The following NRG3 variants were observed in gnomAD, a reference collection of about 807,000 sequenced individuals.
NRG3 encodes the protein neuregulin 3.
NRG3 carries 31 observed loss-of-function variants against 66.9 expected under a neutral mutation model. The observed-to-expected ratio is 0.46, with a 90% CI of 0.35 to 0.63. The LOEUF is 0.63. Among genes scored for constraint, NRG3 ranks in the 20% least tolerant of loss-of-function variants. The pLI, the probability that NRG3 is intolerant of heterozygous loss-of-function variation, is 0.00. For missense variants in NRG3, 910 were observed against 878.9 expected (o/e 1.04, Z -0.45); for synonymous variants, 393 against 359.4 (o/e 1.09, Z -1.06).
At chr10:82,817,883 G>A (rs981052156) in intron 3 of NRG3, among the ~76,000 whole-genome samples, 12 of 152,228 alleles carry the variant, frequency 7.9e-5, no homozygotes, top group African/African-American at 2.9e-4. Flanking sequence ...GAAAGACAGA[G>A]CTGTGTTACT....
intron 1 of NRG3, among the ~76,000 whole-genome samples, chr10:82,254,801 A>G (rs2077639323): frequency 6.6e-6 from 1 of 152,242 alleles, no homozygotes; most frequent in African/African-American, 2.4e-5. Flanking sequence ...GTTTTGTATT[A>G]TAACTGAAAG....
intron 3 of NRG3, among the ~76,000 whole-genome samples, chr10:82,753,551 T>G (rs1267841356): frequency 1.3e-5 from 2 of 152,056 alleles, no homozygotes; most frequent in Admixed American, 6.6e-5. Flanking sequence ...TTCTTTCCTC[T>G]CTTCATTTCT....
chr10:82,346,326 G>A (rs1302374982), intron 1 of NRG3, among the ~76,000 whole-genome samples: 4 of 148,706 alleles, frequency 2.7e-5, no homozygotes, highest in African/African-American at 1.0e-4. Flanking sequence ...AGATAATCAT[G>A]TGGTTTTTGT....
At chr10:82,794,374 T>G (rs760510550) in intron 3 of NRG3, among the ~76,000 whole-genome samples, 2 of 152,154 alleles carry the variant, frequency 1.3e-5, no homozygotes, top group Non-Finnish European at 2.9e-5. Flanking sequence ...AAGGTTTTGG[T>G]GTTAATTGAT....
At chr10:82,960,880 G>T (rs998925355) in intron 6 of NRG3, among the ~76,000 whole-genome samples, 2 of 151,610 alleles carry the variant, frequency 1.3e-5, no homozygotes, top group African/African-American at 4.9e-5. Flanking sequence ...TTATAAAACG[G>T]CCCCACCCCT....
At chr10:82,630,196 G>A (rs992929067) in intron 2 of NRG3, among the ~76,000 whole-genome samples, 2 of 151,944 alleles carry the variant, frequency 1.3e-5, no homozygotes, top group Non-Finnish European at 2.9e-5. Flanking sequence ...AAATGAATTC[G>A]GAATAAGAAG....
intron 2 of NRG3, among the ~76,000 whole-genome samples, chr10:82,363,440 G>A (rs2084313064): frequency 6.7e-6 from 1 of 148,540 alleles, no homozygotes; most frequent in South Asian, 2.1e-4. Context: ...GCCTTATACT[G>A]TTTTTTGTTT....
intron 2 of NRG3, among the ~76,000 whole-genome samples, chr10:82,612,248 T>C (rs1482566818): frequency 2.0e-5 from 3 of 152,240 alleles, no homozygotes; most frequent in Non-Finnish European, 4.4e-5. Context: ...TCTTTTGCTC[T>C]GCAGAAGCAA....
In NRG3 at chr10:82,506,929, T is replaced by G. The variant is rs144321891; in HGVS notation, c.953+148061T>G. 3.5e-4 allele frequency among the ~76,000 whole-genome samples: 54 copies of G among 152,284 alleles called. 2 individuals are homozygous for G. The East Asian group carries it at 4.3e-3, about 12-fold the overall frequency. On this transcript the variant is annotated intron_variant, in intron 2 of 8. Coordinates refer to ENST00000372141, the MANE Select transcript of NRG3 (RefSeq NM_001010848.4). ...GGTTTTCACACAGCATCTCAGGTGGTTCTGTCTCCTGACCAATTTCACTGC... is the reference window on the plus strand; with the variant it reads ...GGTTTTCACACAGCATCTCAGGTGGGTCTGTCTCCTGACCAATTTCACTGC...
intron 1 of NRG3, among the ~76,000 whole-genome samples, chr10:82,052,571 T>A (rs1183524627): frequency 6.6e-6 from 1 of 152,150 alleles, no homozygotes; most frequent in African/African-American, 2.4e-5. Flanking sequence ...TATTCTATAT[T>A]TGTTCCCTGA....
At chr10:82,979,200 G>A in intron 8 of NRG3, 80 bp downstream of exon 8, 2 of 1,406,988 alleles carry the variant, frequency 1.4e-6, no homozygotes, top group Non-Finnish European at 2.0e-6. Context: ...AGTTCCTTGG[G>A]GTTTTATTCA....
At chr10:82,660,066 G>A (rs1299681972) in intron 2 of NRG3, among the ~76,000 whole-genome samples, 1 of 151,358 alleles carries the variant, frequency 6.6e-6, no homozygotes, top group Non-Finnish European at 1.5e-5. Flanking sequence ...CATGGTGGTG[G>A]TTGCCTGTAA....
At chr10:82,299,827 C>T (rs1169997090) in intron 1 of NRG3, among the ~76,000 whole-genome samples, 1 of 151,962 alleles carries the variant, frequency 6.6e-6, no homozygotes, top group Non-Finnish European at 1.5e-5. Flanking sequence ...TTCCCCAATT[C>T]CAAGGGATGC....
chr10:82,729,041 A>G (rs1184706248), intron 2 of NRG3, among the ~76,000 whole-genome samples: 1 of 152,086 alleles, frequency 6.6e-6, no homozygotes, highest in African/African-American at 2.4e-5. Context: ...CTAAATCAAG[A>G]TTCAGTAACC....
chr10:82,365,816 ATTACT>A (rs1458498758), intron 2 of NRG3, among the ~76,000 whole-genome samples: 3 of 152,294 alleles, frequency 2.0e-5, no homozygotes, highest in South Asian at 2.1e-4. Flanking sequence ...TTAGCCAAAG[ATTACT>A]TTATTTTAAT....
At chr10:82,482,360 C>A (rs538714583) in intron 2 of NRG3, among the ~76,000 whole-genome samples, 92 of 152,250 alleles carry the variant, frequency 6.0e-4, no homozygotes, top group African/African-American at 2.1e-3. Context: ...AAGACTGAAC[C>A]CATCTACTGC....
intron 2 of NRG3, among the ~76,000 whole-genome samples, chr10:82,485,226 T>C (rs1842590670): frequency 6.6e-6 from 1 of 152,078 alleles, no homozygotes; most frequent in Admixed American, 6.6e-5. Context: ...CAAATAGTCT[T>C]ACAAGCCTCC....
intron 4 of NRG3, among the ~76,000 whole-genome samples, chr10:82,906,218 G>T (rs1264771370): frequency 6.6e-6 from 1 of 152,160 alleles, no homozygotes; most frequent in African/African-American, 2.4e-5. Flanking sequence ...GGGAAAACCA[G>T]CAAGAATCTT....
At chr10:81,983,100 C>A (rs1435914212) in intron 1 of NRG3, among the ~76,000 whole-genome samples, 1 of 152,144 alleles carries the variant, frequency 6.6e-6, no homozygotes, top group African/African-American at 2.4e-5. Flanking sequence ...GCTCTCAGAC[C>A]TGTTGGACAC....
Sources: allele counts gnomAD v4.1 joint callset (sites outside exome capture counted in the v4.1 genomes callset), GRCh38; gene constraint gnomAD v4.1.1; transcripts MANE v1.5; gene names NCBI Gene and HGNC (gene_info 2026-07-23, HGNC 2026-07-21).